Variants in TRIM66 observed in about 807,000 individuals in gnomAD.
TRIM66 encodes tripartite motif-containing protein 66.
In TRIM66, 99 loss-of-function variants were observed where a neutral mutation model predicts 148.2. The observed-to-expected ratio is 0.67, with a 90% CI of 0.57 to 0.79. The LOEUF is 0.79. Among genes scored for constraint, TRIM66 ranks in the 30% least tolerant of loss-of-function variants. The probability of loss-of-function intolerance (pLI) is 0.00; values close to 1 mark genes in which losing one functional copy is unlikely to be tolerated. For missense variants in TRIM66, 1,666 were observed against 1,697.9 expected (o/e 0.98, Z 0.33); for synonymous variants, 616 against 635.9 (o/e 0.97, Z 0.47).
At chr11:8,639,248 T>A (rs906373336) in intron 14 of TRIM66, among the ~76,000 whole-genome samples, 3 of 152,124 alleles carry the variant, frequency 2.0e-5, no homozygotes, top group African/African-American at 7.2e-5. Context: ...TTATATTCTA[T>A]AATAAAGTAA....
At position 8,616,816 on chromosome 11, in the gene TRIM66, G is replaced by A. The variant is rs1736522693; in HGVS notation, c.*1128C>T. The A allele has an allele frequency of 6.6e-6, 1 of 152,206 alleles. No individual in the cohort carries two copies. The highest frequency in any genetic ancestry group is 2.1e-4 in the South Asian group (1 of 4,824). The allele number at this position is 152,206 out of a possible 1,614,324, so 9.4% of individuals were successfully genotyped here. A position where few individuals can be genotyped will look rare whatever the true frequency, so the allele number is the denominator to read the frequency against. ...GGCCTTCTCTAACCTCCAACAAAAAGGGCTGCCAGAAAAGTGTTGGCTTTT... is the reference window on the plus strand; with the variant it reads ...GGCCTTCTCTAACCTCCAACAAAAAAGGCTGCCAGAAAAGTGTTGGCTTTT... On this transcript the variant is annotated 3_prime_UTR_variant, in exon 25 of 25. Transcript: ENST00000646038.
rs1189853233 is a variant in TRIM66, at chr11:8,621,645, C to G, written c.3255G>C (p.Lys1085Asn). ...AGGCCAAGGCAAAGCAAAGTGGTAC[C>G]TTAATGGACATGCTGGAGGACTCAG... ...CGTESSSMSIKVSQDRLSEAT... is the reference protein window; with the variant it reads ...CGTESSSMSINVSQDRLSEAT... Residue 1085 changes from lysine to asparagine, a missense_variant and splice_region_variant, in exon 19 of 25, where the codon AAG becomes AAC. Lys to Asn is a moderately conservative substitution (Grantham distance 94). Around this residue, in one of 3 missense-constraint regions of TRIM66, gnomAD observed 1,431 missense variants for 1,412.4 expected, o/e 1.01. Coordinates refer to ENST00000646038, the MANE Select transcript of TRIM66 (RefSeq NM_001388022.1). 6.5e-7 allele frequency: 1 copy of G among 1,527,134 alleles called. No homozygotes were observed. The highest frequency in any genetic ancestry group is 8.8e-7 in the Non-Finnish European group (1 of 1,136,910). The allele number at this position is 1,527,134 out of a possible 1,614,324, so 94.6% of individuals were successfully genotyped here. A position where few individuals can be genotyped will look rare whatever the true frequency, so the allele number is the denominator to read the frequency against.
chr11:8,649,685 G>C, intron 8 of TRIM66, 55 bp downstream of exon 8: 1 of 1,529,998 alleles, frequency 6.5e-7, no homozygotes, highest in Non-Finnish European at 8.8e-7. Flanking sequence ...AGGGATCTTA[G>C]GGTTCAGCCC....
chr11:8,649,664 A>G, intron 8 of TRIM66, 76 bp downstream of exon 8: 1 of 1,497,476 alleles, frequency 6.7e-7, no homozygotes, highest in Non-Finnish European at 9.0e-7. Context: ...AAGATCGGAG[A>G]GCTATTCTCC....
intron 7 of TRIM66, among the ~76,000 whole-genome samples, chr11:8,650,341 C>T (rs1442581864): frequency 6.6e-6 from 1 of 151,972 alleles, no homozygotes; most frequent in Non-Finnish European, 1.5e-5. Context: ...CCACTACACT[C>T]CAGCCTGGGC....
intron 7 of TRIM66, among the ~76,000 whole-genome samples, chr11:8,650,379 G>C (rs1218649364): frequency 6.6e-6 from 1 of 151,472 alleles, no homozygotes; most frequent in East Asian, 1.9e-4. Flanking sequence ...TCTCAAAAAA[G>C]GATGAGGAAG....
chr11:8,677,895 A>G (rs1173348993), intron 3 of TRIM66, among the ~76,000 whole-genome samples: 2 of 152,200 alleles, frequency 1.3e-5, no homozygotes, highest in Non-Finnish European at 2.9e-5. Flanking sequence ...ACTCCTAAAA[A>G]TTCCTAATCT....
At chr11:8,628,526 T>C (rs1379616202) in intron 15 of TRIM66, among the ~76,000 whole-genome samples, 3 of 150,574 alleles carry the variant, frequency 2.0e-5, no homozygotes, top group Non-Finnish European at 4.4e-5. Flanking sequence ...GGTGGGAGGA[T>C]TGCTTGAGCC....
intron 6 of TRIM66, chr11:8,663,229 G>A (rs186459084): frequency 1.3e-5 from 2 of 152,304 alleles, no homozygotes; most frequent in East Asian, 1.9e-4. Flanking sequence ...TTGCTGGGGA[G>A]AATCTCAGCT....
chr11:8,646,534 C>CCTAT lies in TRIM66; in HGVS notation c.866_869dup (p.Lys291Ter). 1 of 1,551,988 alleles carries CCTAT rather than the reference C, an allele frequency of 6.4e-7. No homozygotes were observed. The highest frequency in any genetic ancestry group is 1.2e-5 in the South Asian group (1 of 84,064). On this transcript the variant is annotated stop_gained and frameshift_variant, in exon 11 of 25. Transcript: ENST00000646038. LOFTEE classifies it high-confidence loss of function. ...CCATTTTGATCTGGTTTTCCACCTT[C>CCTAT]CTATGCTGATGCTTCACTTCAAAAA...
At chr11:8,667,568 C>T (rs987560025) in intron 6 of TRIM66, among the ~76,000 whole-genome samples, 1 of 152,202 alleles carries the variant, frequency 6.6e-6, no homozygotes, top group Non-Finnish European at 1.5e-5. Flanking sequence ...CAAATAACAA[C>T]TCACCATTCC....
At chr11:8,675,918 T>C (rs1015550773) in intron 3 of TRIM66, among the ~76,000 whole-genome samples, 3 of 152,114 alleles carry the variant, frequency 2.0e-5, no homozygotes, top group Admixed American at 6.5e-5. Flanking sequence ...TTTGTATTTT[T>C]AGTAGAGACG....
Position 8,640,735 on chromosome 11 carries a change from A to G in TRIM66, c.1640T>C (p.Leu547Pro). 6.4e-7 allele frequency: 1 copy of G among 1,551,480 alleles called. No homozygotes were observed. Among genetic ancestry groups the G allele is most frequent in the Non-Finnish European group, 8.7e-7 (1 of 1,146,990 alleles). ...GGGCTGGGAAGTCAGCTGCTGCCCCAGCCGCTGGGATGTGCTCTCCTGCTC... is the reference window on the plus strand; with the variant it reads ...GGGCTGGGAAGTCAGCTGCTGCCCCGGCCGCTGGGATGTGCTCTCCTGCTC... ...PVEQESTSQRLGQQLTSQPVC... is the reference protein window; with the variant it reads ...PVEQESTSQRPGQQLTSQPVC... Residue 547 changes from leucine to proline, a missense_variant, in exon 14 of 25, where the codon CTG becomes CCG. Coordinates refer to ENST00000646038, the MANE Select transcript of TRIM66 (RefSeq NM_001388022.1).
intron 15 of TRIM66, among the ~76,000 whole-genome samples, chr11:8,634,090 G>A (rs2035658615): frequency 6.6e-6 from 1 of 152,194 alleles, no homozygotes; most frequent in Non-Finnish European, 1.5e-5. Context: ...GTTATGAGCA[G>A]CAGAAGAAAG....
In TRIM66 at chr11:8,624,380, G is replaced by A; in HGVS notation, c.2998C>T (p.Gln1000Ter). The change falls in exon 17 of 25, where the codon CAG (glutamine) becomes TAG (stop). Residue 1000 changes from glutamine (Q) to a stop codon, truncating the protein, a stop_gained. Transcript: ENST00000646038. LOFTEE classifies it high-confidence loss of function. ...APVVSTSTAL[Q>*]QYQNPKECEN... ...TCACCTTTTGGGTTCTGGTACTGCT[G>A]CAGAGCTGTAGACGTGCTGACCACT... 1.3e-6 allele frequency: 2 copies of A among 1,551,262 alleles called. No individual in the cohort carries two copies. Among genetic ancestry groups the A allele is most frequent in the Non-Finnish European group, 1.7e-6 (2 of 1,146,908 alleles).
intron 6 of TRIM66, chr11:8,663,034 C>T (rs1565562874): frequency 6.6e-6 from 1 of 152,252 alleles, no homozygotes; most frequent in Non-Finnish European, 1.5e-5. Context: ...TAGATATTCT[C>T]ATTGGCTGAG....
intron 12 of TRIM66, among the ~76,000 whole-genome samples, chr11:8,645,110 G>A (rs1358527271): frequency 6.6e-6 from 1 of 152,086 alleles, no homozygotes; most frequent in African/African-American, 2.4e-5. Context: ...CTCTTCCAAG[G>A]TGATACCACT....
chr11:8,671,655 T>C lies in TRIM66; in HGVS notation c.340+131A>G, dbSNP rs1036953592. ...TCTGTCTCACAGATTCCCCCAAAGA[T>C]TGCTTTCAGCAATGAGTGTCCCTTG... is the stretch of plus-strand genomic sequence containing the variant. On this transcript the variant is annotated intron_variant, in intron 6 of 24. Transcript: ENST00000646038. The C allele has an allele frequency of 3.3e-5, 20 of 608,738 alleles. No homozygotes were observed. The African/African-American group carries it at 3.3e-4, about 10-fold the overall frequency. 37.7% of individuals were successfully genotyped at this position (608,738 alleles called of 1,614,324 possible).
intron 6 of TRIM66, among the ~76,000 whole-genome samples, chr11:8,664,786 C>T (rs926537855): frequency 6.6e-6 from 1 of 152,108 alleles, no homozygotes; most frequent in African/African-American, 2.4e-5. Context: ...TGAAAGGCAC[C>T]GTCTGGTTGA....
Sources: gnomAD v4.1 joint callset for allele counts (sites outside exome capture counted in the v4.1 genomes callset) on GRCh38, gnomAD v4.1.1 for gene constraint, gnomAD v4.1.1 regional missense constraint, MANE v1.5 for transcripts, NCBI Gene and HGNC (gene_info 2026-07-23, HGNC 2026-07-21) for gene names.